The following MARK1 variants were observed in gnomAD, a reference collection of about 807,000 sequenced individuals.
MARK1 encodes the protein serine/threonine-protein kinase MARK1.
In MARK1, 40 loss-of-function variants were observed where a neutral mutation model predicts 96.3. The observed-to-expected ratio is 0.42, with a 90% CI of 0.32 to 0.54. MARK1 has a LOEUF of 0.54. Among genes scored for constraint, MARK1 ranks in the 20% least tolerant of loss-of-function variants. The pLI, the probability that MARK1 is intolerant of heterozygous loss-of-function variation, is 0.16. For missense variants in MARK1, 719 were observed against 984.6 expected (o/e 0.73, Z 3.61); for synonymous variants, 317 against 341.2 (o/e 0.93, Z 0.78).
chr1:220,601,427 A>G (rs1357767867), intron 5 of MARK1, among the ~76,000 whole-genome samples: 1 of 152,074 alleles, frequency 6.6e-6, no homozygotes, highest in Non-Finnish European at 1.5e-5. Flanking sequence ...TAAAACAGCC[A>G]TGTAAATTTC....
At chr1:220,649,124 C>T (rs530370530) in intron 13 of MARK1, among the ~76,000 whole-genome samples, 3 of 152,058 alleles carry the variant, frequency 2.0e-5, no homozygotes, top group Non-Finnish European at 4.4e-5. Context: ...CTGTGAAATA[C>T]GGATGACATT....
chr1:220,587,838 A>G (rs1051890472), intron 3 of MARK1, among the ~76,000 whole-genome samples: 11 of 152,130 alleles, frequency 7.2e-5, no homozygotes, highest in African/African-American at 2.7e-4. Flanking sequence ...TGTTTTTACT[A>G]TACAGATAAT....
At chr1:220,626,962 C>G in intron 9 of MARK1, 1 of 510,738 alleles carries the variant, frequency 2.0e-6, no homozygotes, top group East Asian at 4.9e-5. Context: ...CAGGTGTGGC[C>G]CTGGATACAG....
intron 13 of MARK1, among the ~76,000 whole-genome samples, chr1:220,644,343 G>A (rs1045091496): frequency 6.6e-6 from 1 of 151,862 alleles, no homozygotes; most frequent in Admixed American, 6.6e-5. Flanking sequence ...AATGGTAAAA[G>A]GTTCAATTCA....
At chr1:220,534,707 A>C (rs1660562605) in intron 1 of MARK1, among the ~76,000 whole-genome samples, 1 of 152,042 alleles carries the variant, frequency 6.6e-6, no homozygotes. Context: ...CCTGGCAACC[A>C]CCATTCTTAT....
At chr1:220,549,990 C>G (rs935078566) in intron 1 of MARK1, among the ~76,000 whole-genome samples, 1 of 152,250 alleles carries the variant, frequency 6.6e-6, no homozygotes, top group Non-Finnish European at 1.5e-5. Context: ...ATGTATTTCT[C>G]TTACCCCACA....
chr1:220,563,698 C>G (rs2102785781), intron 1 of MARK1, among the ~76,000 whole-genome samples: 1 of 152,234 alleles, frequency 6.6e-6, no homozygotes, highest in South Asian at 2.1e-4. Flanking sequence ...CATTTTCCTA[C>G]TTGTGGTAAC....
chr1:220,619,287 A>C (rs1558302964), intron 9 of MARK1, among the ~76,000 whole-genome samples: 2 of 152,146 alleles, frequency 1.3e-5, no homozygotes, highest in Non-Finnish European at 2.9e-5. Context: ...ATCCTTGCTA[A>C]CATGGTGAAA....
chr1:220,592,979 A>G (rs974538792), intron 3 of MARK1, among the ~76,000 whole-genome samples: 3 of 152,264 alleles, frequency 2.0e-5, no homozygotes, highest in Non-Finnish European at 4.4e-5. Flanking sequence ...ACAAGAAAGC[A>G]AGAATAGATG....
At chr1:220,545,494 TAGC>T (rs1213915364) in intron 1 of MARK1, among the ~76,000 whole-genome samples, 1 of 135,464 alleles carries the variant, frequency 7.4e-6, no homozygotes, top group Non-Finnish European at 1.5e-5. Flanking sequence ...TAGAGTGCAG[TAGC>T]GTGATCACAG....
At chr1:220,628,414 C>G (rs117947102) in intron 9 of MARK1, among the ~76,000 whole-genome samples, 1 of 152,146 alleles carries the variant, frequency 6.6e-6, no homozygotes, top group African/African-American at 2.4e-5. Context: ...CTAGTGCCAC[C>G]ACTCCACTGA....
At chr1:220,587,627 C>T (rs1182810233) in intron 3 of MARK1, among the ~76,000 whole-genome samples, 1 of 152,172 alleles carries the variant, frequency 6.6e-6, no homozygotes, top group Admixed American at 6.5e-5. Flanking sequence ...GCCTCAGCCT[C>T]CCAAAGTGCT....
intron 9 of MARK1, among the ~76,000 whole-genome samples, chr1:220,630,410 G>A (rs955537250): frequency 3.3e-5 from 5 of 152,028 alleles, no homozygotes; most frequent in Non-Finnish European, 7.4e-5. Flanking sequence ...CCCCCACAAG[G>A]TTGCCTTTTA....
In MARK1 at chr1:220,572,558, A is replaced by G. The variant is rs760109831; in HGVS notation, c.52-6796A>G. On this transcript the variant is annotated intron_variant, in intron 1 of 17. Transcript: ENST00000366917. ...GCGCCTGGTGGTTGTTTTTTCATGTATAGTTGTTCTTTCAGCTATTGAGAG... is the reference window on the plus strand; with the variant it reads ...GCGCCTGGTGGTTGTTTTTTCATGTGTAGTTGTTCTTTCAGCTATTGAGAG... 3.9e-4 allele frequency among the ~76,000 whole-genome samples: 60 copies of G among 152,122 alleles called. 1 individual carries two copies. The highest frequency in any genetic ancestry group is 6.8e-4 in the Non-Finnish European group (46 of 68,014).
intron 3 of MARK1, among the ~76,000 whole-genome samples, chr1:220,589,183 G>A (rs76798220): frequency 0.015 from 2,352 of 152,274 alleles, 33 homozygotes; most frequent in Middle Eastern, 0.044. Flanking sequence ...GGGCAACTTC[G>A]TCAGACTGGT....
intron 7 of MARK1, 124 bp downstream of exon 7, chr1:220,616,119 G>A: frequency 2.4e-6 from 1 of 418,836 alleles, no homozygotes; most frequent in Non-Finnish European, 4.2e-6. Context: ...CAAGTAGTTA[G>A]TTTTTGATTC....
intron 3 of MARK1, among the ~76,000 whole-genome samples, chr1:220,592,280 G>A (rs1665049116): frequency 7.3e-6 from 1 of 136,984 alleles, no homozygotes; most frequent in African/African-American, 2.7e-5. Flanking sequence ...ATACTATCTT[G>A]CTAGCAGACT....
chr1:220,578,183 A>G (rs182161399), intron 1 of MARK1, among the ~76,000 whole-genome samples: 1 of 152,138 alleles, frequency 6.6e-6, no homozygotes, highest in South Asian at 2.1e-4. Flanking sequence ...TTCTTCAGCA[A>G]TTTTTTAAGA....
intron 3 of MARK1, among the ~76,000 whole-genome samples, chr1:220,595,026 A>G (rs2102891032): frequency 6.6e-6 from 1 of 152,340 alleles, no homozygotes; most frequent in East Asian, 1.9e-4. Flanking sequence ...AATGATGTGT[A>G]GCTCCATCGA....
Sources: gnomAD v4.1 joint callset for allele counts (sites outside exome capture counted in the v4.1 genomes callset) on GRCh38, gnomAD v4.1.1 for gene constraint, MANE v1.5 for transcripts, NCBI Gene and HGNC (gene_info 2026-07-23, HGNC 2026-07-21) for gene names.